The following TANGO6 variants were observed in gnomAD, a reference collection of about 807,000 sequenced individuals.
TANGO6 encodes transport and golgi organization 6 homolog, also known as transport and Golgi organization protein 6 homolog.
A neutral mutation model predicts 114.2 loss-of-function variants in TANGO6; 90 were observed. The ratio of observed to expected loss-of-function variants is 0.79; its 90% CI spans 0.66 to 0.94. The LOEUF (loss-of-function observed/expected upper bound fraction) is 0.94. Ranked by LOEUF, TANGO6 falls within the 40% of genes least tolerant of loss-of-function variation. TANGO6 has a pLI of 0.00. For synonymous variants in TANGO6, 477 were observed against 509.8 expected, an observed-to-expected ratio of 0.94 and a Z score of 0.87; for missense variants, 1,274 against 1,315.3, an observed-to-expected ratio of 0.97 and a Z score of 0.49.
At chr16:68,967,533 A>T (rs928171942) in intron 14 of TANGO6, among the ~76,000 whole-genome samples, 1 of 152,180 alleles carries the variant, frequency 6.6e-6, no homozygotes, top group South Asian at 2.1e-4. Context: ...AACTATTAGC[A>T]GTCACTCCCT....
chr16:68,870,363 CGTT>C (rs1962248522), intron 4 of TANGO6, among the ~76,000 whole-genome samples: 1 of 152,168 alleles, frequency 6.6e-6, no homozygotes, highest in African/African-American at 2.4e-5. Context: ...GGTTGGCAGA[CGTT>C]GGTAGATTTG....
chr16:68,973,944 G>A (rs550184659), intron 14 of TANGO6, 84 bp from the exon 15 acceptor site: 45 of 1,462,326 alleles, frequency 3.1e-5, no homozygotes, highest in Admixed American at 7.9e-5. Context: ...GCATCTCTGC[G>A]TTCATCCCAT....
rs1274975615 is a variant in TANGO6 at position 68,843,645 on chromosome 16, G to T, written c.28G>T (p.Gly10Trp). The change falls in exon 1 of 18, where the codon GGG (glycine) becomes TGG (tryptophan). Residue 10 changes from glycine to tryptophan, a missense_variant. Physicochemically the swap from Gly to Trp is radical, Grantham distance 184 (BLOSUM62 -2). This residue lies in a region of TANGO6 where 114 missense variants were observed against 104.6 expected (regional missense o/e 1.09). Transcript: ENST00000261778. MAARQAVGSGAQETCGLDRI... is the reference protein window; with the variant it reads MAARQAVGSWAQETCGLDRI... ...GGCGGCCCGACAGGCCGTGGGCAGC[G>T]GGGCTCAGGAGACATGCGGTCTGGA... The T allele has an allele frequency of 6.2e-7, 1 of 1,613,682 alleles. No individual in the cohort carries two copies. The highest frequency in any genetic ancestry group is 8.5e-7 in the Non-Finnish European group (1 of 1,179,702).
At chr16:68,979,386 C>T (rs1287572588) in intron 15 of TANGO6, among the ~76,000 whole-genome samples, 1 of 151,966 alleles carries the variant, frequency 6.6e-6, no homozygotes, top group East Asian at 1.9e-4. Context: ...CGTGCCACTG[C>T]GTCCAACTAA....
At chr16:69,064,945 A>G (rs980553906) in intron 17 of TANGO6, among the ~76,000 whole-genome samples, 1 of 152,164 alleles carries the variant, frequency 6.6e-6, no homozygotes, top group Non-Finnish European at 1.5e-5. Flanking sequence ...AGGACTGGAA[A>G]CAATGAAGCC....
chr16:68,917,981 G>A (rs1407437098), intron 11 of TANGO6, among the ~76,000 whole-genome samples: 4 of 150,270 alleles, frequency 2.7e-5, no homozygotes, highest in Non-Finnish European at 5.9e-5. Flanking sequence ...GTGTAGTGGT[G>A]CTATCTCAGC....
In TANGO6 at chr16:68,900,456, C is replaced by G. The variant is rs752485510; in HGVS notation, c.1400C>G (p.Pro467Arg). The G allele has an allele frequency of 6.2e-7, 1 of 1,613,934 alleles. No homozygotes were observed. Among genetic ancestry groups the G allele is most frequent in the East Asian group, 2.2e-5 (1 of 44,882 alleles). The change falls in exon 8 of 18, where the codon CCT becomes CGT. Residue 467 changes from proline to arginine, a missense_variant. By Grantham distance (103) the Pro-to-Arg change is moderately radical (BLOSUM62 -2). Transcript: ENST00000261778. ...VFKVYVVGNE[P>R]LTVLMDSLLP... ...TAGGTGTACGTGGTTGGGAATGAAC[C>G]TTTAACAGTTTTGATGGATTCCCTG...
At chr16:69,017,659 T>C (rs1959323560) in intron 15 of TANGO6, among the ~76,000 whole-genome samples, 1 of 152,058 alleles carries the variant, frequency 6.6e-6, no homozygotes, top group South Asian at 2.1e-4. Context: ...CTCACACACT[T>C]AGAAGTGGAA....
intron 15 of TANGO6, among the ~76,000 whole-genome samples, chr16:68,983,750 A>G (rs1288738189): frequency 6.6e-6 from 1 of 152,086 alleles, no homozygotes; most frequent in East Asian, 1.9e-4. Flanking sequence ...TAGCTTTTGT[A>G]GGGCCGGGCG....
At chr16:68,942,398 A>T (rs1421628677) in intron 14 of TANGO6, among the ~76,000 whole-genome samples, 2 of 152,184 alleles carry the variant, frequency 1.3e-5, no homozygotes, top group East Asian at 3.8e-4. Context: ...GATCAAAAAC[A>T]TAAGGCAATG....
intron 4 of TANGO6, among the ~76,000 whole-genome samples, chr16:68,869,862 T>G (rs185227835): frequency 6.6e-6 from 1 of 152,120 alleles, no homozygotes; most frequent in African/African-American, 2.4e-5. Flanking sequence ...ATGAGCATAG[T>G]GCTTCTGAGG....
chr16:69,080,893 CTTTGGG>C (rs1334097825), intron 17 of TANGO6, among the ~76,000 whole-genome samples: 1 of 152,180 alleles, frequency 6.6e-6, no homozygotes, highest in Non-Finnish European at 1.5e-5. Context: ...AATCCCAGCA[CTTTGGG>C]AGGCCGAGGC....
intron 16 of TANGO6, among the ~76,000 whole-genome samples, chr16:69,037,002 G>A (rs1279326697): frequency 2.0e-5 from 3 of 151,798 alleles, no homozygotes; most frequent in Non-Finnish European, 4.4e-5. Context: ...TGGGCATGGT[G>A]GTGCATGCCT....
chr16:68,949,356 C>G (rs575274555), intron 14 of TANGO6, among the ~76,000 whole-genome samples: 1 of 152,030 alleles, frequency 6.6e-6, no homozygotes, highest in Non-Finnish European at 1.5e-5. Flanking sequence ...CATGATGGCT[C>G]ACACCTGTAA....
At chr16:69,079,711 G>C (rs1307747749) in intron 17 of TANGO6, among the ~76,000 whole-genome samples, 1 of 152,114 alleles carries the variant, frequency 6.6e-6, no homozygotes, top group East Asian at 1.9e-4. Context: ...TTTTCTACTG[G>C]ATTAGCAAAA....
intron 14 of TANGO6, among the ~76,000 whole-genome samples, chr16:68,958,554 G>GAAGGAAAGAAAAGA (rs916113088): frequency 6.6e-6 from 1 of 150,724 alleles, no homozygotes; most frequent in Non-Finnish European, 1.5e-5. Context: ...AGGGAGGGAG[G>GAAGGAAAGAAAAGA]AAGGAAAGAA....
At chr16:68,976,220 C>T (rs1482065731) in intron 15 of TANGO6, among the ~76,000 whole-genome samples, 8 of 152,166 alleles carry the variant, frequency 5.3e-5, no homozygotes, top group Non-Finnish European at 2.9e-5. Context: ...AGGCATGAGC[C>T]GCTGCACCCA....
At chr16:69,075,523 G>T (rs1960361268) in intron 17 of TANGO6, among the ~76,000 whole-genome samples, 1 of 149,888 alleles carries the variant, frequency 6.7e-6, no homozygotes, top group African/African-American at 2.5e-5. Flanking sequence ...GCAAGATCAT[G>T]GCCCACTGCA....
At chr16:68,881,402 T>A (rs1962460708) in intron 7 of TANGO6, among the ~76,000 whole-genome samples, 1 of 152,122 alleles carries the variant, frequency 6.6e-6, no homozygotes, top group African/African-American at 2.4e-5. Flanking sequence ...TAATCCCAGC[T>A]ACTTAGGAGG....
Sources: allele counts gnomAD v4.1 joint callset (sites outside exome capture counted in the v4.1 genomes callset), GRCh38; gene constraint gnomAD v4.1.1; regional missense constraint gnomAD v4.1.1; transcripts MANE v1.5; gene names NCBI Gene and HGNC (gene_info 2026-07-23, HGNC 2026-07-21).